Variants in MEIS2 observed in about 807,000 individuals in gnomAD.
MEIS2 encodes Meis homeobox 2.
MEIS2 carries 9 observed loss-of-function variants against 58.6 expected under a neutral mutation model. The observed-to-expected ratio is 0.15, with a 90% CI of 0.09 to 0.27. The LOEUF is 0.27. MEIS2 is among the 10% of genes least tolerant of loss of function. The pLI is 1.00. For synonymous variants in MEIS2, 221 were observed against 228.4 expected (o/e 0.97, Z 0.29); for missense variants, 427 against 635.0 (o/e 0.67, Z 3.52).
At chr15:36,895,527 T>C (rs1260062141) in intron 10 of MEIS2, among the ~76,000 whole-genome samples, 1 of 152,156 alleles carries the variant, frequency 6.6e-6, no homozygotes. Context: ...ATCTCTTGAT[T>C]AGGGGGACGA....
intron 8 of MEIS2, chr15:37,036,390 CTTT>C (rs80180193): frequency 1.4e-3 from 160 of 118,132 alleles, no homozygotes; most frequent in African/African-American, 4.5e-3. Flanking sequence ...TGGCAAGGTG[CTTT>C]TTTTTTTTTT....
intron 7 of MEIS2, among the ~76,000 whole-genome samples, chr15:37,038,746 T>C (rs1239763212): frequency 6.6e-6 from 1 of 152,204 alleles, no homozygotes; most frequent in Non-Finnish European, 1.5e-5. Flanking sequence ...CTTTCAATAC[T>C]GGATAATATA....
intron 8 of MEIS2, among the ~76,000 whole-genome samples, chr15:36,991,664 G>T (rs1004623952): frequency 5.3e-5 from 8 of 150,594 alleles, no homozygotes; most frequent in Non-Finnish European, 1.2e-4. Context: ...AGGATGCTTT[G>T]TGAGCATTAG....
chr15:36,996,011 A>G (rs2060502074), intron 8 of MEIS2, among the ~76,000 whole-genome samples: 2 of 123,522 alleles, frequency 1.6e-5, no homozygotes, highest in African/African-American at 5.7e-5. Context: ...ATGTATATAT[A>G]TATACATATG....
At chr15:37,034,290 T>C (rs934627454) in intron 8 of MEIS2, among the ~76,000 whole-genome samples, 9 of 152,072 alleles carry the variant, frequency 5.9e-5, no homozygotes, top group African/African-American at 2.2e-4. Context: ...CCAGGGAACT[T>C]AATGGACTTA....
At chr15:37,099,034 G>C (rs1428716633) in intron 1 of MEIS2, 2 of 983,226 alleles carry the variant, frequency 2.0e-6, no homozygotes, top group Non-Finnish European at 1.2e-6. Flanking sequence ...CCCGGCGGCG[G>C]CTCCTACGCA....
chr15:36,900,627 G>C (rs2056420038), intron 9 of MEIS2, among the ~76,000 whole-genome samples: 1 of 152,098 alleles, frequency 6.6e-6, no homozygotes, highest in Admixed American at 6.5e-5. Context: ...ATAAACCCAA[G>C]GTAGCAAATA....
At chr15:36,918,556 G>C (rs1328199083) in intron 9 of MEIS2, among the ~76,000 whole-genome samples, 1 of 152,212 alleles carries the variant, frequency 6.6e-6, no homozygotes, top group Non-Finnish European at 1.5e-5. Flanking sequence ...AGAAGATTTA[G>C]TCTTGCTCTC....
rs531080865 is a variant in MEIS2, at chr15:36,921,355, T to C, written c.978-24669A>G. ...ACATGAAGCATAAACATACATTCTG[T>C]TCAAGGGACAGCCACCCAGCTTGTG... On this transcript the variant is annotated intron_variant, in intron 9 of 11. Transcript: ENST00000561208. 3.3e-5 allele frequency among the ~76,000 whole-genome samples: 5 copies of C among 152,288 alleles called. No individual in the cohort carries two copies. In the South Asian group the frequency reaches 1.0e-3, roughly 32 times the overall value.
chr15:37,020,337 G>C (rs532160471), intron 8 of MEIS2, among the ~76,000 whole-genome samples: 2 of 152,062 alleles, frequency 1.3e-5, no homozygotes, highest in South Asian at 4.1e-4. Context: ...AGAAGGAAAA[G>C]AAAGAGAGGA....
intron 7 of MEIS2, among the ~76,000 whole-genome samples, chr15:37,077,003 C>T (rs1447871982): frequency 6.6e-6 from 1 of 152,072 alleles, no homozygotes; most frequent in Non-Finnish European, 1.5e-5. Flanking sequence ...ATACATCTGT[C>T]CCTTAGTCAC....
At chr15:36,998,417 C>T (rs752331370) in intron 8 of MEIS2, among the ~76,000 whole-genome samples, 3 of 151,678 alleles carry the variant, frequency 2.0e-5, no homozygotes, top group Non-Finnish European at 4.4e-5. Flanking sequence ...GATGGGGTCT[C>T]GCTCTGTTGC....
chr15:37,056,771 C>T (rs958572896), intron 7 of MEIS2, among the ~76,000 whole-genome samples: 3 of 152,188 alleles, frequency 2.0e-5, no homozygotes, highest in Non-Finnish European at 4.4e-5. Flanking sequence ...TGGGTTCAAA[C>T]CAGTGTGTCT....
chr15:36,996,149 A>G (rs113392479), intron 8 of MEIS2, among the ~76,000 whole-genome samples: 1 of 151,732 alleles, frequency 6.6e-6, no homozygotes, highest in African/African-American at 2.4e-5. Flanking sequence ...AGGAAAACCA[A>G]GCTACTGTTA....
At chr15:37,015,470 G>GCA (rs764268559) in intron 8 of MEIS2, among the ~76,000 whole-genome samples, 9 of 123,658 alleles carry the variant, frequency 7.3e-5, no homozygotes, top group Admixed American at 3.1e-4. Flanking sequence ...ACACACACAT[G>GCA]CACACACACA....
At position 37,036,910 on chromosome 15, in the gene MEIS2, A is replaced by G. The variant is rs750734404; in HGVS notation, c.804T>C (p.Asp268=). ...GGCGTTTTTTGTCCTTATCCGGATC[A>G]TCATCGTCACCTGTACCAGGTGAAG... is the stretch of plus-strand genomic sequence containing the variant. The part of the protein sequence containing the change: ...SVASPGTGDD[D]DPDKDKKRQK... The change falls in exon 8 of 12, where the codon GAT becomes GAC. Residue 268 remains aspartate (D), a synonymous_variant. Coordinates refer to ENST00000561208, the MANE Select transcript of MEIS2 (RefSeq NM_170675.5). The G allele has an allele frequency of 2.5e-6, 4 of 1,613,978 alleles. No homozygotes were observed. The South Asian group carries it at 3.3e-5, about 13-fold the overall frequency.
At chr15:36,905,153 G>C (rs1214558387) in intron 9 of MEIS2, among the ~76,000 whole-genome samples, 1 of 152,074 alleles carries the variant, frequency 6.6e-6, no homozygotes, top group East Asian at 1.9e-4. Flanking sequence ...GCTGAAGTAG[G>C]GGTGATAAGG....
intron 4 of MEIS2, among the ~76,000 whole-genome samples, 189 bp downstream of exon 4, chr15:37,095,375 C>T (rs1894098570): frequency 1.3e-5 from 2 of 152,240 alleles, no homozygotes; most frequent in African/African-American, 4.8e-5. Context: ...TCGCTCCCCA[C>T]CGCGTTCATC....
chr15:36,908,473 TCATCTACAA>T (rs1197712070), intron 9 of MEIS2, among the ~76,000 whole-genome samples: 1 of 152,178 alleles, frequency 6.6e-6, no homozygotes, highest in Non-Finnish European at 1.5e-5. Flanking sequence ...CACAAAGCCG[TCATCTACAA>T]CAGACAAAAA....
Sources: gnomAD v4.1 joint callset for allele counts (sites outside exome capture counted in the v4.1 genomes callset) on GRCh38, gnomAD v4.1.1 for gene constraint, MANE v1.5 for transcripts, NCBI Gene and HGNC (gene_info 2026-07-23, HGNC 2026-07-21) for gene names.